RRP1: variants seen among roughly 807,000 people sequenced by gnomAD.
RRP1 encodes the protein ribosomal RNA processing protein 1 homolog A.
A neutral mutation model predicts 54.6 loss-of-function variants in RRP1; 37 were observed. The ratio of observed to expected loss-of-function variants is 0.68; its 90% CI spans 0.52 to 0.89. RRP1 has a LOEUF of 0.89. RRP1 is among the 40% of genes least tolerant of loss of function. RRP1 has a pLI of 0.00. For synonymous variants in RRP1, 262 were observed against 244.3 expected, an observed-to-expected ratio of 1.07 and a Z score of -0.67; for missense variants, 639 against 612.5, an observed-to-expected ratio of 1.04 and a Z score of -0.46.
chr21:43,804,069 C>G lies in RRP1; in HGVS notation c.*295C>G. ...CTGGCCGCCCCTGCTGTGGGGGGTTCAGAAAATAAAATGCCGCGCAGCCCT... is the reference window on the plus strand; with the variant it reads ...CTGGCCGCCCCTGCTGTGGGGGGTTGAGAAAATAAAATGCCGCGCAGCCCT... On this transcript the variant is annotated 3_prime_UTR_variant, in exon 13 of 13. Transcript: ENST00000497547. The surrounding 1 kb of genome is among the most constrained non-coding windows in gnomAD (Gnocchi z 4.3). 2 of 371,244 alleles carry G rather than the reference C, an allele frequency of 5.4e-6. No homozygotes were observed. Among genetic ancestry groups the G allele is most frequent in the Non-Finnish European group, 9.4e-6 (2 of 211,666 alleles). The allele number at this position is 371,244 out of a possible 1,614,324, so 23.0% of individuals were successfully genotyped here.
At position 43,798,932 on chromosome 21, in the gene RRP1, C is replaced by T. The variant is rs375792137; in HGVS notation, c.812-638C>T. Among the ~76,000 whole-genome samples, 607 of 150,900 alleles carry T rather than the reference C, an allele frequency of 4.0e-3. 2 individuals carry two copies. The highest frequency in any genetic ancestry group is 6.8e-3 in the Middle Eastern group (2 of 294). ...TCCCCACCGCCCCCAGCACTTGGCCCGGCCACCCTGTATGCTTCTCCCTGG... is the reference window on the plus strand; with the variant it reads ...TCCCCACCGCCCCCAGCACTTGGCCTGGCCACCCTGTATGCTTCTCCCTGG... On this transcript the variant is annotated intron_variant, in intron 8 of 12. Transcript: ENST00000497547.
chr21:43,794,239 C>G (rs1000510223), intron 4 of RRP1, among the ~76,000 whole-genome samples: 2 of 152,206 alleles, frequency 1.3e-5, no homozygotes, highest in Non-Finnish European at 2.9e-5. Context: ...AAGGAGGCTC[C>G]AGGGCAGGCC....
At chr21:43,789,908 C>G in intron 1 of RRP1, 146 bp downstream of exon 1, 1 of 1,004,508 alleles carries the variant, frequency 1.0e-6, no homozygotes, top group Non-Finnish European at 1.3e-6. Flanking sequence ...CTGGCCTGTT[C>G]CCGCTGTTAC....
At chr21:43,799,992 G>C (rs2085068831) in intron 9 of RRP1, among the ~76,000 whole-genome samples, 1 of 152,262 alleles carries the variant, frequency 6.6e-6, no homozygotes, top group Non-Finnish European at 1.5e-5. Flanking sequence ...CCCTCGTTGG[G>C]GTGCTGGTGG....
At chr21:43,799,776 G>A in intron 9 of RRP1, 127 bp downstream of exon 9, 2 of 884,276 alleles carry the variant, frequency 2.3e-6, no homozygotes, top group Non-Finnish European at 3.5e-6. Flanking sequence ...TACCCGGACA[G>A]GGGTTAGCTT....
Position 43,797,974 on chromosome 21 carries a change from A to C in RRP1, c.685A>C (p.Ile229Leu). ...GATTGTGGAGCAGGCCCCGCTTGCCATTGAAGACCTCCTGAATGAACTGGA... is the reference window on the plus strand; with the variant it reads ...GATTGTGGAGCAGGCCCCGCTTGCCCTTGAAGACCTCCTGAATGAACTGGA... ...ETIVEQAPLA[I>L]EDLLNELDTQ... is the part of the protein sequence containing the mutation. Residue 229 changes from isoleucine to leucine, a missense_variant, in exon 8 of 13, where the codon ATT becomes CTT. Ile to Leu is a conservative substitution (Grantham distance 5). Coordinates refer to ENST00000497547, the MANE Select transcript of RRP1 (RefSeq NM_003683.6). 6.2e-7 allele frequency: 1 copy of C among 1,614,140 alleles called. No homozygotes were observed. The highest frequency in any genetic ancestry group is 8.5e-7 in the Non-Finnish European group (1 of 1,179,990).
Position 43,797,889 on chromosome 21 carries a change from C to T in RRP1, c.618-18C>T. ...CAGCATAACGGGCCTGCTCACCGGC[C>T]TCTGCTCTGCCCCTCAGTTCCTTGG... On this transcript the variant is annotated intron_variant, in intron 7 of 12. Transcript: ENST00000497547. 6.2e-7 allele frequency: 1 copy of T among 1,608,064 alleles called. No individual in the cohort carries two copies. The highest frequency in any genetic ancestry group is 1.3e-5 in the African/African-American group (1 of 74,982).
In RRP1 at chr21:43,804,160, C is replaced by T. The variant is rs532293933; in HGVS notation, c.*386C>T. 4.1e-5 allele frequency: 9 copies of T among 217,282 alleles called. No individual in the cohort carries two copies. Among genetic ancestry groups the T allele is most frequent in the South Asian group, 2.7e-4 (2 of 7,490 alleles). 13.5% of individuals were successfully genotyped at this position (217,282 alleles called of 1,614,324 possible). Reference sequence around the variant, plus strand: ...GTGGGAGGTGGCAGGCGCCAGCCTCCGAGCAGTGTGGTGGTTTATATTCAT... The same window carrying T: ...GTGGGAGGTGGCAGGCGCCAGCCTCTGAGCAGTGTGGTGGTTTATATTCAT... On this transcript the variant is annotated 3_prime_UTR_variant, in exon 13 of 13. Transcript: ENST00000497547. This position sits in a 1 kb window ranked among gnomAD's most constrained non-coding sequence, Gnocchi z 4.3.
Position 43,797,501 on chromosome 21 carries a change from C to G in RRP1, c.502C>G (p.His168Asp). 1 of 1,613,958 alleles carries G rather than the reference C, an allele frequency of 6.2e-7. No individual in the cohort carries two copies. The highest frequency in any genetic ancestry group is 1.3e-5 in the African/African-American group (1 of 75,000). The change falls in exon 6 of 13, where the codon CAC (histidine) becomes GAC (aspartate). Residue 168 changes from histidine (H) to aspartate (D), a missense_variant. By Grantham distance (81) the His-to-Asp change is moderately conservative. Coordinates refer to ENST00000497547, the MANE Select transcript of RRP1 (RefSeq NM_003683.6). The part of the protein sequence containing the change: ...SSQAPNGVKS[H>D]FIEIFLEELT... ...CCAGGCCCCCAACGGTGTGAAGAGC[C>G]ACTTCATCGAGATCTTCCTGGAGGA...
At chr21:43,790,306 G>C (rs1423005065) in intron 1 of RRP1, among the ~76,000 whole-genome samples, 2 of 152,224 alleles carry the variant, frequency 1.3e-5, no homozygotes, top group Non-Finnish European at 2.9e-5. Context: ...GCCCAAGCCT[G>C]TAATCCCAGC....
chr21:43,791,298 G>C, intron 1 of RRP1, 52 bp from the exon 2 acceptor site: 1 of 1,582,440 alleles, frequency 6.3e-7, no homozygotes, highest in Non-Finnish European at 8.7e-7. Flanking sequence ...TTCCTTTCTG[G>C]CACTCGAAGG....
intron 2 of RRP1, among the ~76,000 whole-genome samples, chr21:43,792,036 G>A (rs1465540878): frequency 1.3e-5 from 2 of 152,168 alleles, no homozygotes; most frequent in Admixed American, 6.6e-5. Context: ...ACCACGGGGC[G>A]GAATTCAAGT....
intron 2 of RRP1, among the ~76,000 whole-genome samples, chr21:43,791,794 G>A (rs181346363): frequency 6.0e-4 from 92 of 152,270 alleles, no homozygotes; most frequent in South Asian, 1.5e-3. Context: ...ATGAGCCACC[G>A]CGCCCGGCCT....
rs1299741569 is a variant in RRP1, at chr21:43,804,478, C to T, written c.*704C>T. 2.0e-5 allele frequency: 3 copies of T among 152,454 alleles called. No homozygotes were observed. Among genetic ancestry groups the T allele is most frequent in the Non-Finnish European group, 2.9e-5 (2 of 68,162 alleles). The allele number at this position is 152,454 out of a possible 1,614,324, so 9.4% of individuals were successfully genotyped here. On this transcript the variant is annotated 3_prime_UTR_variant, in exon 13 of 13. Transcript: ENST00000497547. This position sits in a 1 kb window ranked among gnomAD's most constrained non-coding sequence, Gnocchi z 4.3. The stretch of plus-strand genomic sequence containing the variant: ...TCAGCCAGGTCACCCTCAGCGTCCT[C>T]CCTGCCCCTCTCCCCTTCACACCTG...
chr21:43,797,829 G>T lies in RRP1; in HGVS notation c.618-78G>T, dbSNP rs1601871117. On this transcript the variant is annotated intron_variant, in intron 7 of 12. Transcript: ENST00000497547. ...CCGCTGGCCGTGTGGGTGGGGAGAG[G>T]TTGCAGGGGAGTCGGCGGCTTCCGC... 2.5e-6 allele frequency: 4 copies of T among 1,569,838 alleles called. No individual in the cohort carries two copies. The South Asian group carries it at 4.6e-5, about 18-fold the overall frequency.
At chr21:43,791,678 A>G (rs562264962) in intron 2 of RRP1, among the ~76,000 whole-genome samples, 1 of 152,024 alleles carries the variant, frequency 6.6e-6, no homozygotes, top group East Asian at 1.9e-4. Flanking sequence ...AATTTTTTGT[A>G]TTTTTAGTAG....
intron 3 of RRP1, 196 bp downstream of exon 3, chr21:43,792,925 T>C: frequency 1.6e-6 from 1 of 607,260 alleles, no homozygotes. Context: ...GATTAGCTCA[T>C]TTACCCAAAA....
intron 2 of RRP1, 41 bp downstream of exon 2, chr21:43,791,473 G>A (rs2084957860): frequency 1.3e-6 from 2 of 1,581,934 alleles, no homozygotes; most frequent in Non-Finnish European, 1.7e-6. Context: ...GAAGCAGCGG[G>A]GGAGGATGGA....
At chr21:43,798,247 A>G in intron 8 of RRP1, 147 bp downstream of exon 8, 1 of 694,922 alleles carries the variant, frequency 1.4e-6, no homozygotes, top group Non-Finnish European at 2.3e-6. Flanking sequence ...TAGAAGCCAG[A>G]GTGACTTCTG....
Sources: allele counts gnomAD v4.1 joint callset (sites outside exome capture counted in the v4.1 genomes callset), GRCh38; gene constraint gnomAD v4.1.1; non-coding constraint Gnocchi (gnomAD v3.1); transcripts MANE v1.5; gene names NCBI Gene and HGNC (gene_info 2026-07-23, HGNC 2026-07-21).